Variants in MYH14 observed in about 807,000 individuals in gnomAD.
MYH14 encodes the protein myosin heavy chain 14.
A neutral mutation model predicts 255.5 loss-of-function variants in MYH14; 123 were observed. The observed-to-expected ratio is 0.48, with a 90% CI of 0.42 to 0.56. The LOEUF is 0.56. Ranked by LOEUF, MYH14 falls within the 20% of genes least tolerant of loss-of-function variation. The pLI, the probability that MYH14 is intolerant of heterozygous loss-of-function variation, is 0.00. For synonymous variants in MYH14, 1,095 were observed against 1,161.2 expected, an observed-to-expected ratio of 0.94 and a Z score of 1.16; for missense variants, 2,423 against 2,802.3, an observed-to-expected ratio of 0.86 and a Z score of 3.06.
Position 50,250,815 on chromosome 19 carries a change from G to T in MYH14, c.1830+127G>T. On this transcript the variant is annotated intron_variant, in intron 15 of 42. Coordinates refer to ENST00000642316, the MANE Select transcript of MYH14 (RefSeq NM_001145809.2). This position sits in a 1 kb window ranked among gnomAD's most constrained non-coding sequence, Gnocchi z 5.4. ...TGAGGTCCAGACAAACAGAGCAGGGGCTAGGAGAGCCCAGGGAGGAGCAAG... is the reference window on the plus strand; with the variant it reads ...TGAGGTCCAGACAAACAGAGCAGGGTCTAGGAGAGCCCAGGGAGGAGCAAG... 1.0e-6 allele frequency: 1 copy of T among 969,184 alleles called. No homozygotes were observed. The highest frequency in any genetic ancestry group is 1.7e-5 in the South Asian group (1 of 57,652). 60.0% of individuals were successfully genotyped at this position (969,184 alleles called of 1,614,324 possible). A position where few individuals can be genotyped will look rare whatever the true frequency, so the allele number is the denominator to read the frequency against.
At chr19:50,210,797 G>A (rs372329114) in intron 2 of MYH14, 27 bp downstream of exon 2, 3 of 1,534,138 alleles carry the variant, frequency 2.0e-6, no homozygotes, top group Middle Eastern at 1.7e-4. Flanking sequence ...TGGGGGGCGC[G>A]TGCGGCGGAG....
chr19:50,304,797 G>A (rs1333673086), intron 40 of MYH14, among the ~76,000 whole-genome samples: 1 of 152,174 alleles, frequency 6.6e-6, no homozygotes, highest in Non-Finnish European at 1.5e-5. Flanking sequence ...AGAAGAAGCT[G>A]GAATACCCTG....
rs1568506196 is a variant in MYH14 at position 50,257,417 on chromosome 19, C to T, written c.2163C>T (p.Arg721=). 1.2e-6 allele frequency: 2 copies of T among 1,608,154 alleles called. No homozygotes were observed. The highest frequency in any genetic ancestry group is 1.7e-6 in the Non-Finnish European group (2 of 1,177,230). The change falls in exon 18 of 43, where the codon CGC becomes CGT. Residue 721 remains arginine, a synonymous_variant. Transcript: ENST00000642316. ...VGQLYKESLS[R]LMATLSNTNP... ...AGCTCTACAAGGAGTCCCTGAGCCG[C>T]CTCATGGCCACACTCAGCAACACCA...
Position 50,309,730 on chromosome 19 carries a change from A to G in MYH14, c.6051A>G (p.Ala2017=). 6.3e-7 allele frequency: 1 copy of G among 1,599,692 alleles called. No individual in the cohort carries two copies. The highest frequency in any genetic ancestry group is 8.5e-7 in the Non-Finnish European group (1 of 1,173,616). The change falls in exon 43 of 43, where the codon GCA becomes GCG. Residue 2017 remains alanine (A), a synonymous_variant. Coordinates refer to ENST00000642316, the MANE Select transcript of MYH14 (RefSeq NM_001145809.2). ...GVASDEEAEE[A]QPGSGPSPEP... is the part of the protein sequence containing the mutation. ...CATCCGACGAGGAGGCAGAGGAAGC[A>G]CAGCCTGGGTCTGGGCCATCCCCGG... is the stretch of plus-strand genomic sequence containing the variant.
intron 2 of MYH14, among the ~76,000 whole-genome samples, chr19:50,213,290 C>T (rs1247664508): frequency 6.6e-6 from 1 of 152,150 alleles, no homozygotes; most frequent in African/African-American, 2.4e-5. Flanking sequence ...CTCCCAGCAA[C>T]CTTGTAAGGT....
At chr19:50,241,419 G>C (rs2033887142) in intron 10 of MYH14, among the ~76,000 whole-genome samples, 1 of 151,798 alleles carries the variant, frequency 6.6e-6, no homozygotes, top group African/African-American at 2.4e-5. Flanking sequence ...TGATGACACA[G>C]CAAGACTCTA....
At chr19:50,290,561 T>C (rs1682924459) in intron 35 of MYH14, among the ~76,000 whole-genome samples, 1 of 152,160 alleles carries the variant, frequency 6.6e-6, no homozygotes, top group Admixed American at 6.5e-5. Context: ...CTAGCCCCTT[T>C]GACTTAGACA....
At chr19:50,256,076 G>C (rs1476904284) in intron 17 of MYH14, among the ~76,000 whole-genome samples, 1 of 151,776 alleles carries the variant, frequency 6.6e-6, no homozygotes, top group Non-Finnish European at 1.5e-5. Flanking sequence ...ACAAGAGTTT[G>C]AGATTAGCCT....
intron 18 of MYH14, among the ~76,000 whole-genome samples, chr19:50,258,014 C>T (rs1011605079): frequency 6.6e-6 from 1 of 152,158 alleles, no homozygotes; most frequent in African/African-American, 2.4e-5. Flanking sequence ...GGGCTTGTTG[C>T]ATGGGTGTGA....
chr19:50,232,524 G>A (rs926144723), intron 10 of MYH14, among the ~76,000 whole-genome samples: 2 of 150,944 alleles, frequency 1.3e-5, no homozygotes, highest in Non-Finnish European at 2.9e-5. Context: ...AACCCAGGAG[G>A]CGGAGGTTGC....
chr19:50,295,149 C>A (rs967220865), intron 39 of MYH14, among the ~76,000 whole-genome samples: 1 of 151,428 alleles, frequency 6.6e-6, no homozygotes, highest in South Asian at 2.1e-4. Flanking sequence ...CACAGTGAAA[C>A]CCCGTCTCTA....
chr19:50,235,581 A>G (rs971456479), intron 10 of MYH14, among the ~76,000 whole-genome samples: 3 of 151,740 alleles, frequency 2.0e-5, no homozygotes, highest in African/African-American at 7.3e-5. Flanking sequence ...GGAGTTTGAG[A>G]CCAGCCTGGG....
intron 1 of MYH14, among the ~76,000 whole-genome samples, chr19:50,206,358 A>C (rs921418183): frequency 8.0e-6 from 1 of 124,692 alleles, no homozygotes; most frequent in Non-Finnish European, 1.6e-5. Flanking sequence ...GATTGCAAAA[A>C]CTCCGAAACC....
At chr19:50,294,012 TG>T (rs1344889344) in intron 39 of MYH14, among the ~76,000 whole-genome samples, 4 of 152,132 alleles carry the variant, frequency 2.6e-5, no homozygotes, top group African/African-American at 9.7e-5. Context: ...GACATTTGGC[TG>T]GGGGTTTTAA....
chr19:50,222,946 A>T (rs2032909593), intron 3 of MYH14, 137 bp from the exon 4 acceptor site: 3 of 867,778 alleles, frequency 3.5e-6, no homozygotes, highest in Non-Finnish European at 5.9e-6. Flanking sequence ...AGAATCCAGG[A>T]TTGTTACACA....
At chr19:50,307,261 T>A in intron 41 of MYH14, 104 bp downstream of exon 41, 1 of 696,314 alleles carries the variant, frequency 1.4e-6, no homozygotes, top group Non-Finnish European at 2.5e-6. Flanking sequence ...CAAGAAGCAA[T>A]GTGCAGGTGC....
chr19:50,263,105 A>C (rs1439458771), intron 21 of MYH14, among the ~76,000 whole-genome samples: 1 of 152,186 alleles, frequency 6.6e-6, no homozygotes, highest in African/African-American at 2.4e-5. Context: ...GAGGTGAGGC[A>C]GGAGAATTGC....
In MYH14 at chr19:50,291,060, C is replaced by T. The variant is rs373755483; in HGVS notation, c.5127+12C>T. The T allele has an allele frequency of 4.7e-5, 75 of 1,611,394 alleles. No individual in the cohort carries two copies. Among genetic ancestry groups the T allele is most frequent in the South Asian group, 2.0e-4 (18 of 90,644 alleles). On this transcript the variant is annotated intron_variant, in intron 36 of 42. Transcript: ENST00000642316. ...TTCGCAAGATGCAGGTAAGAGCCGG[C>T]GTGAGCTGCAGGGAGGGGAGGCTTT...
At chr19:50,225,440 A>T in intron 6 of MYH14, 145 bp from the exon 7 acceptor site, 1 of 616,356 alleles carries the variant, frequency 1.6e-6, no homozygotes, top group Non-Finnish European at 2.9e-6. Context: ...CAAGACCCGG[A>T]TATGGGAAGT....
Sources: allele counts gnomAD v4.1 joint callset (sites outside exome capture counted in the v4.1 genomes callset), GRCh38; gene constraint gnomAD v4.1.1; non-coding constraint Gnocchi (gnomAD v3.1); transcripts MANE v1.5; gene names NCBI Gene and HGNC (gene_info 2026-07-23, HGNC 2026-07-21).